SMIM36: variants seen among roughly 807,000 people sequenced by gnomAD.
SMIM36 encodes small integral membrane protein 36.
chr17:55,494,818 G>A (rs139390868), intron 1 of SMIM36, among the ~76,000 whole-genome samples: 29 of 151,878 alleles, frequency 1.9e-4, no homozygotes, highest in African/African-American at 5.8e-4. Flanking sequence ...AGGCACACAC[G>A]CACACACACA....
At chr17:55,494,566 A>G (rs565975771) in intron 1 of SMIM36, among the ~76,000 whole-genome samples, 69 of 152,266 alleles carry the variant, frequency 4.5e-4, no homozygotes, top group African/African-American at 1.6e-3. Flanking sequence ...GCCGGTCTTC[A>G]AAGTGAGGGG....
At chr17:55,472,444 C>T (rs1909356165) in intron 3 of SMIM36, among the ~76,000 whole-genome samples, 2 of 152,214 alleles carry the variant, frequency 1.3e-5, no homozygotes, top group African/African-American at 4.8e-5. Context: ...AAGAGGCTTC[C>T]TTATCACACA....
At chr17:55,492,524 C>G (rs572746274) in intron 1 of SMIM36, among the ~76,000 whole-genome samples, 1 of 151,496 alleles carries the variant, frequency 6.6e-6, no homozygotes, top group Non-Finnish European at 1.5e-5. Flanking sequence ...TCCCGAAGTG[C>G]TGGGATTACA....
At chr17:55,481,417 T>A (rs191963365) in intron 1 of SMIM36, among the ~76,000 whole-genome samples, 10 of 152,194 alleles carry the variant, frequency 6.6e-5, no homozygotes, top group Non-Finnish European at 1.5e-4. Flanking sequence ...ATATACCAAG[T>A]AGAGAGAATT....
chr17:55,488,944 T>C (rs1011543357), intron 1 of SMIM36, among the ~76,000 whole-genome samples: 14 of 152,240 alleles, frequency 9.2e-5, no homozygotes, highest in African/African-American at 3.1e-4. Context: ...TAATATTTAA[T>C]GAGCACTTAG....
At chr17:55,504,307 T>A (rs1910046021) in intron 1 of SMIM36, among the ~76,000 whole-genome samples, 1 of 69,698 alleles carries the variant, frequency 1.4e-5, no homozygotes, top group African/African-American at 1.6e-4. Flanking sequence ...TATTCCAAAA[T>A]TGACCACATA....
At chr17:55,479,736 C>T (rs1285307880) in intron 1 of SMIM36, among the ~76,000 whole-genome samples, 156 bp from the exon 2 acceptor site, 2 of 152,212 alleles carry the variant, frequency 1.3e-5, no homozygotes, top group Middle Eastern at 3.2e-3. Context: ...TACTTCTCAA[C>T]CTTAGTTTTA....
intron 1 of SMIM36, among the ~76,000 whole-genome samples, chr17:55,489,689 G>T (rs567276486): frequency 6.6e-6 from 1 of 152,130 alleles, no homozygotes. Context: ...GCAGGTGCAC[G>T]GCATTCCACT....
intron 1 of SMIM36, among the ~76,000 whole-genome samples, chr17:55,489,912 A>G (rs1909674015): frequency 6.6e-6 from 1 of 151,860 alleles, no homozygotes; most frequent in African/African-American, 2.4e-5. Flanking sequence ...GCAGTGGCAC[A>G]ATCTCGGCTC....
At position 55,459,954 on chromosome 17, in the gene SMIM36, C is replaced by T. The variant is rs181637215; in HGVS notation, c.*531+7191G>A. Among the ~76,000 whole-genome samples the T allele has an allele frequency of 2.9e-3, 441 of 152,178 alleles. 2 individuals carry two copies. The highest frequency in any genetic ancestry group is 0.01 in the African/African-American group (423 of 41,490). ...GCTGTAGTAAGCTATGATAGCACCA[C>T]TGCACTCAGCCTGGGCAACAGAGTG... On this transcript the variant is annotated intron_variant, in intron 4 of 4. Transcript: ENST00000636752.
chr17:55,463,540 G>A (rs186704290), intron 4 of SMIM36, among the ~76,000 whole-genome samples: 39 of 152,242 alleles, frequency 2.6e-4, no homozygotes, highest in Middle Eastern at 6.8e-3. Context: ...ACAAGAGCGA[G>A]ACCCTGTTTC....
chr17:55,470,081 C>T (rs1002811387), intron 3 of SMIM36, among the ~76,000 whole-genome samples: 5 of 152,146 alleles, frequency 3.3e-5, no homozygotes, highest in African/African-American at 4.8e-5. Context: ...CTTCAAGTGC[C>T]GGAAATCTGG....
intron 4 of SMIM36, among the ~76,000 whole-genome samples, chr17:55,466,399 C>T (rs560804147): frequency 6.6e-6 from 1 of 151,442 alleles, no homozygotes; most frequent in South Asian, 2.1e-4. Context: ...TTAGGGCCAG[C>T]GTATGGAGAA....
intron 1 of SMIM36, among the ~76,000 whole-genome samples, chr17:55,481,813 C>T (rs1302794005): frequency 6.6e-6 from 1 of 152,096 alleles, no homozygotes; most frequent in Non-Finnish European, 1.5e-5. Context: ...CCCACTTCAG[C>T]CTCCCAACTA....
intron 1 of SMIM36, among the ~76,000 whole-genome samples, chr17:55,488,446 G>A (rs1320100798): frequency 6.6e-6 from 1 of 152,066 alleles, no homozygotes; most frequent in Non-Finnish European, 1.5e-5. Context: ...AATTTCCCAG[G>A]GTTTAATACT....
At chr17:55,529,720 G>A in the SMIM36 span, among the ~76,000 whole-genome samples, 1 of 152,138 alleles carries the variant, frequency 6.6e-6, no homozygotes, top group Non-Finnish European at 1.5e-5. Context: ...TGAGCCCAGA[G>A]GTCGAGGCTG....
At chr17:55,527,239 G>A in the SMIM36 span, 1 of 152,208 alleles carries the variant, frequency 6.6e-6, no homozygotes, top group Non-Finnish European at 1.5e-5. Context: ...ATCTCTGGCT[G>A]CTAAGGAACA....
At chr17:55,519,611 A>G in the SMIM36 span, among the ~76,000 whole-genome samples, 25 of 152,212 alleles carry the variant, frequency 1.6e-4, no homozygotes, top group African/African-American at 6.0e-4. Flanking sequence ...AAAAATCTGC[A>G]GGGGCAGAGC....
At chr17:55,516,183 C>T (rs1191324482), upstream of SMIM36, among the ~76,000 whole-genome samples, 2 of 152,128 alleles carry the variant, frequency 1.3e-5, no homozygotes, top group Non-Finnish European at 2.9e-5. Flanking sequence ...TAAAAACCTA[C>T]AAAACAATGA....
Sources: gnomAD v4.1 joint callset for allele counts (sites outside exome capture counted in the v4.1 genomes callset) on GRCh38, gnomAD v4.1.1 for gene constraint, MANE v1.5 for transcripts, NCBI Gene and HGNC (gene_info 2026-07-23, HGNC 2026-07-21) for gene names.